The following RBFOX1 variants were observed in gnomAD, a reference collection of about 807,000 sequenced individuals.
The protein encoded by RBFOX1 is RNA binding protein fox-1 homolog 1.
A neutral mutation model predicts 57.7 loss-of-function variants in RBFOX1; 8 were observed. The observed-to-expected ratio is 0.14, with a 90% CI of 0.08 to 0.25. The LOEUF is 0.25. Among genes scored for constraint, RBFOX1 ranks in the 10% least tolerant of loss-of-function variants. RBFOX1 has a pLI of 1.00. For synonymous variants in RBFOX1, 326 were observed against 222.4 expected (o/e 1.47, Z -4.15); for missense variants, 611 against 548.5 (o/e 1.11, Z -1.14).
intron 1 of RBFOX1, among the ~76,000 whole-genome samples, chr16:5,266,398 C>T (rs1429808103): frequency 3.3e-5 from 5 of 152,086 alleles, no homozygotes; most frequent in Admixed American, 6.5e-5. Flanking sequence ...CTGAGAACTG[C>T]TGCTCTCATA....
At chr16:6,297,292 G>C (rs959042042) in intron 1 of RBFOX1, among the ~76,000 whole-genome samples, 2 of 152,148 alleles carry the variant, frequency 1.3e-5, no homozygotes, top group Admixed American at 1.3e-4. Context: ...ATGCAGCCCA[G>C]TAGGTCTCAG....
chr16:6,519,763 C>T (rs187619212), intron 2 of RBFOX1, among the ~76,000 whole-genome samples: 71 of 152,158 alleles, frequency 4.7e-4, no homozygotes, highest in African/African-American at 1.5e-3. Context: ...ATTGTATGCC[C>T]GGTTCTGTAT....
intron 1 of RBFOX1, among the ~76,000 whole-genome samples, chr16:6,167,966 A>G (rs940409143): frequency 4.6e-5 from 7 of 152,216 alleles, no homozygotes; most frequent in African/African-American, 1.7e-4. Context: ...CACCCATGGC[A>G]AAATCCAATT....
At chr16:6,461,174 G>A (rs1330502368) in intron 2 of RBFOX1, among the ~76,000 whole-genome samples, 2 of 152,124 alleles carry the variant, frequency 1.3e-5, no homozygotes, top group Non-Finnish European at 2.9e-5. Flanking sequence ...TAGGTGATGA[G>A]GCTGATAGGT....
intron 4 of RBFOX1, among the ~76,000 whole-genome samples, chr16:7,477,195 C>T (rs9940403): frequency 0.041 from 6,167 of 152,210 alleles, 408 homozygotes; most frequent in African/African-American, 0.14. Context: ...ATGCTAAAAT[C>T]GGTATATCTG....
At chr16:6,281,641 T>C (rs1599144019) in intron 1 of RBFOX1, among the ~76,000 whole-genome samples, 1 of 151,998 alleles carries the variant, frequency 6.6e-6, no homozygotes, top group Admixed American at 6.6e-5. Context: ...GGCGGTGGTG[T>C]TGGTAGTAAC....
At chr16:7,405,636 G>C (rs1201332488) in intron 4 of RBFOX1, among the ~76,000 whole-genome samples, 1 of 152,150 alleles carries the variant, frequency 6.6e-6, no homozygotes, top group Non-Finnish European at 1.5e-5. Flanking sequence ...TTATATTGGA[G>C]GAATCAGAGC....
At chr16:7,348,059 G>C (rs1334755587) in intron 4 of RBFOX1, among the ~76,000 whole-genome samples, 2 of 152,168 alleles carry the variant, frequency 1.3e-5, no homozygotes, top group African/African-American at 4.8e-5. Context: ...TTTGACTTCT[G>C]TTTAACAGAA....
intron 1 of RBFOX1, among the ~76,000 whole-genome samples, chr16:6,298,578 C>T (rs971016698): frequency 5.3e-5 from 8 of 152,136 alleles, no homozygotes; most frequent in African/African-American, 1.9e-4. Context: ...TTGCCTTTAG[C>T]TAAGCAGATC....
At chr16:7,062,607 C>A (rs1338143604) in intron 4 of RBFOX1, among the ~76,000 whole-genome samples, 2 of 152,138 alleles carry the variant, frequency 1.3e-5, no homozygotes, top group Non-Finnish European at 2.9e-5. Context: ...AATCACAACA[C>A]CTGTCCCTAG....
At chr16:7,175,608 G>A (rs575243445) in intron 4 of RBFOX1, among the ~76,000 whole-genome samples, 1 of 152,240 alleles carries the variant, frequency 6.6e-6, no homozygotes, top group Admixed American at 6.5e-5. Context: ...ACTTTGAAAG[G>A]TAGGGTTTGG....
intron 3 of RBFOX1, among the ~76,000 whole-genome samples, chr16:6,848,669 C>T (rs929519180): frequency 3.9e-5 from 6 of 151,942 alleles, no homozygotes; most frequent in African/African-American, 1.5e-4. Flanking sequence ...AAAAAAGCAA[C>T]CTAGGTAGAT....
At chr16:5,664,215 C>T (rs2049756445) in intron 3 of RBFOX1, among the ~76,000 whole-genome samples, 2 of 152,146 alleles carry the variant, frequency 1.3e-5, no homozygotes, top group Admixed American at 6.5e-5. Context: ...TGGGGGTTCT[C>T]GAGCCAAGCT....
intron 4 of RBFOX1, among the ~76,000 whole-genome samples, chr16:7,082,563 A>G (rs2059366206): frequency 6.9e-6 from 1 of 145,514 alleles, no homozygotes; most frequent in Admixed American, 6.9e-5. Flanking sequence ...CCATGTCTCA[A>G]AAAAAAAAAA....
At chr16:7,158,887 G>A (rs1601409197) in intron 4 of RBFOX1, among the ~76,000 whole-genome samples, 1 of 152,104 alleles carries the variant, frequency 6.6e-6, no homozygotes, top group Non-Finnish European at 1.5e-5. Context: ...GTGTGTCTTT[G>A]CACACGTGTG....
intron 3 of RBFOX1, among the ~76,000 whole-genome samples, chr16:6,947,342 T>C (rs1320793539): frequency 6.6e-6 from 1 of 152,126 alleles, no homozygotes; most frequent in Non-Finnish European, 1.5e-5. Context: ...GAGATAACAT[T>C]ATGAAGACAC....
In RBFOX1 at chr16:7,579,785, T is replaced by A; in HGVS notation, c.279T>A (p.Asp93Glu). The change falls in exon 6 of 16, where the codon GAT becomes GAA. Residue 93 changes from aspartate to glutamate, a missense_variant. Asp to Glu is a conservative substitution (Grantham distance 45). Coordinates refer to ENST00000550418, the MANE Select transcript of RBFOX1 (RefSeq NM_018723.4). Reference sequence around the variant, plus strand: ...TCTTCTTGTTCTTTTAGCAGACAGATGACGCAGCACCGACGGATGGCCAGC... The same window carrying A: ...TCTTCTTGTTCTTTTAGCAGACAGAAGACGCAGCACCGACGGATGGCCAGC... ...QTVSGTATQT[D>E]DAAPTDGQPQ... The A allele has an allele frequency of 6.2e-7, 1 of 1,614,054 alleles. No individual in the cohort carries two copies. Among genetic ancestry groups the A allele is most frequent in the Non-Finnish European group, 8.5e-7 (1 of 1,179,970 alleles).
chr16:7,706,443 G>T (rs3785189), intron 14 of RBFOX1, among the ~76,000 whole-genome samples: 6 of 152,022 alleles, frequency 3.9e-5, no homozygotes, highest in African/African-American at 1.4e-4. Flanking sequence ...TATGCCCAGC[G>T]TTATAGAATT....
At chr16:6,961,462 A>G (rs1338235910) in intron 3 of RBFOX1, among the ~76,000 whole-genome samples, 1 of 152,238 alleles carries the variant, frequency 6.6e-6, no homozygotes, top group African/African-American at 2.4e-5. Context: ...AGGGGTCCCG[A>G]TCAAGATCCC....
Sources: gnomAD v4.1 joint callset for allele counts (sites outside exome capture counted in the v4.1 genomes callset) on GRCh38, gnomAD v4.1.1 for gene constraint, MANE v1.5 for transcripts, NCBI Gene and HGNC (gene_info 2026-07-23, HGNC 2026-07-21) for gene names.